The following PDZD9 variants were observed in gnomAD, a reference collection of about 807,000 sequenced individuals.
PDZD9 encodes PDZ domain containing 9, also known as PDZ domain-containing protein 9.
Under a neutral mutation model 16.3 loss-of-function variants are expected in PDZD9, and 13 were observed. That is an observed-to-expected ratio of 0.80 (90% confidence interval 0.52 to 1.27). The LOEUF (loss-of-function observed/expected upper bound fraction) is 1.27. PDZD9 is among the 50% of genes most tolerant of loss of function. PDZD9 has a pLI of 0.00. For missense variants in PDZD9, 288 were observed against 310.9 expected, an observed-to-expected ratio of 0.93 and a Z score of 0.55; for synonymous variants, 120 against 111.0, an observed-to-expected ratio of 1.08 and a Z score of -0.51.
chr16:21,972,726 T>C, the PDZD9 span, among the ~76,000 whole-genome samples: 1 of 152,134 alleles, frequency 6.6e-6, no homozygotes, highest in Non-Finnish European at 1.5e-5. Context: ...TCCAATGAAG[T>C]AATTTAATAG....
chr16:21,969,258 G>A, the PDZD9 span, among the ~76,000 whole-genome samples: 32 of 152,302 alleles, frequency 2.1e-4, no homozygotes, highest in East Asian at 4.1e-3. Flanking sequence ...TCTAGGCTGG[G>A]CATGGTGGCT....
At chr16:22,000,388 TG>T (rs1899263095) in intron 1 of PDZD9, among the ~76,000 whole-genome samples, 1 of 146,920 alleles carries the variant, frequency 6.8e-6, no homozygotes, top group Non-Finnish European at 1.5e-5. Flanking sequence ...AAAAAACAGA[TG>T]GGGGTGTGAG....
At chr16:21,997,817 C>T (rs1401316995) in intron 1 of PDZD9, among the ~76,000 whole-genome samples, 1 of 152,180 alleles carries the variant, frequency 6.6e-6, no homozygotes, top group Non-Finnish European at 1.5e-5. Flanking sequence ...TTTCAGCACA[C>T]TTTTCCAGCA....
intron 3 of PDZD9, among the ~76,000 whole-genome samples, chr16:21,985,860 A>G (rs1898864511): frequency 1.3e-5 from 2 of 152,186 alleles, no homozygotes. Context: ...TTTTACTGAG[A>G]GCCACTAGTC....
downstream of PDZD9, chr16:21,980,433 CT>C (rs1311283712): frequency 2.7e-6 from 3 of 1,104,868 alleles, no homozygotes; most frequent in Non-Finnish European, 3.9e-6. Context: ...GGGAGACACG[CT>C]GTTACTCTAT....
At chr16:21,986,911 C>T (rs1898889210) in intron 3 of PDZD9, among the ~76,000 whole-genome samples, 2 of 152,126 alleles carry the variant, frequency 1.3e-5, no homozygotes, top group South Asian at 2.1e-4. Flanking sequence ...AGTGCAAAGA[C>T]CCTGAGGCAA....
chr16:21,995,733 G>T (rs1899132870), intron 2 of PDZD9, among the ~76,000 whole-genome samples: 1 of 151,268 alleles, frequency 6.6e-6, no homozygotes, highest in Admixed American at 6.6e-5. Context: ...GAGTAGCTGG[G>T]ACTACAGGCG....
At chr16:21,999,238 G>A (rs572164444) in intron 1 of PDZD9, 13 of 209,714 alleles carry the variant, frequency 6.2e-5, no homozygotes, top group Admixed American at 1.8e-4. Flanking sequence ...GAAAGTGCTC[G>A]CTAGGGCCCA....
At chr16:21,976,936 A>G in the PDZD9 span, 3 of 152,208 alleles carry the variant, frequency 2.0e-5, no homozygotes, top group Admixed American at 6.5e-5. Context: ...TTATAAAGAT[A>G]TCTTTGGGCT....
downstream of PDZD9, chr16:21,983,671 CCATT>C (rs1197790845): frequency 1.3e-5 from 2 of 157,060 alleles, no homozygotes; most frequent in African/African-American, 2.4e-5. Context: ...TCCTATATTC[CCATT>C]CATTCATTTT....
chr16:21,990,168 G>A (rs1567486943), intron 2 of PDZD9, among the ~76,000 whole-genome samples: 1 of 152,140 alleles, frequency 6.6e-6, no homozygotes, highest in African/African-American at 2.4e-5. Flanking sequence ...TGCTACAACG[G>A]CATTCAGCAA....
chr16:21,962,925 G>T, the PDZD9 span: 2 of 1,568,144 alleles, frequency 1.3e-6, no homozygotes, highest in East Asian at 2.3e-5. Flanking sequence ...CTAAGATACT[G>T]GGTTTTTTAG....
chr16:21,960,824 C>T, the PDZD9 span, among the ~76,000 whole-genome samples: 2 of 151,214 alleles, frequency 1.3e-5, no homozygotes, highest in African/African-American at 4.9e-5. Flanking sequence ...AACAGCATTT[C>T]TTTTTTTTTA....
chr16:21,983,067 C>A, downstream of PDZD9: 1 of 1,587,642 alleles, frequency 6.3e-7, no homozygotes, highest in Middle Eastern at 1.7e-4. Context: ...TTAATTTTGT[C>A]TTTTGTTTGT....
downstream of PDZD9, among the ~76,000 whole-genome samples, chr16:21,982,656 A>G (rs1319348913): frequency 1.3e-5 from 2 of 152,166 alleles, no homozygotes; most frequent in Non-Finnish European, 2.9e-5. Flanking sequence ...CTATTATAGT[A>G]ATTGCTGGCT....
the PDZD9 span, chr16:21,961,401 G>T: frequency 2.6e-6 from 1 of 378,994 alleles, no homozygotes; most frequent in African/African-American, 2.1e-5. Context: ...AGATCCATAC[G>T]TCAACATAGC....
chr16:21,988,328 G>T (rs1898933157), intron 3 of PDZD9, among the ~76,000 whole-genome samples: 1 of 151,978 alleles, frequency 6.6e-6, no homozygotes, highest in African/African-American at 2.4e-5. Flanking sequence ...ATTTTTAAGG[G>T]CTGACTCGGG....
intron 2 of PDZD9, among the ~76,000 whole-genome samples, 192 bp from the exon 3 acceptor site, chr16:21,988,983 C>T (rs1184802658): frequency 1.4e-5 from 2 of 141,176 alleles, no homozygotes; most frequent in African/African-American, 5.4e-5. Flanking sequence ...TGCTGGAGTG[C>T]AGTGGCATGA....
chr16:21,994,472 A>G (rs1280978116), intron 2 of PDZD9, among the ~76,000 whole-genome samples: 1 of 152,216 alleles, frequency 6.6e-6, no homozygotes, highest in Admixed American at 6.5e-5. Flanking sequence ...AACTGCATGG[A>G]AAATTCATTC....
Sources: allele counts gnomAD v4.1 joint callset (sites outside exome capture counted in the v4.1 genomes callset), GRCh38; gene constraint gnomAD v4.1.1; transcripts MANE v1.5; gene names NCBI Gene and HGNC (gene_info 2026-07-23, HGNC 2026-07-21).